Variants in GDAP1 observed in about 807,000 individuals in gnomAD.
GDAP1 encodes the protein ganglioside induced differentiation associated protein 1.
A neutral mutation model predicts 40.1 loss-of-function variants in GDAP1; 34 were observed. The ratio of observed to expected loss-of-function variants is 0.85; its 90% CI spans 0.64 to 1.13. GDAP1 has a LOEUF of 1.13. Among genes scored for constraint, GDAP1 ranks in the 50% most tolerant of loss-of-function variants. The pLI is 0.00. For synonymous variants in GDAP1, 170 were observed against 157.4 expected, an observed-to-expected ratio of 1.08 and a Z score of -0.60; for missense variants, 374 against 433.7, an observed-to-expected ratio of 0.86 and a Z score of 1.22.
At chr8:74,403,418 G>A (rs1239531517) in intron 2 of GDAP1, among the ~76,000 whole-genome samples, 2 of 150,156 alleles carry the variant, frequency 1.3e-5, no homozygotes, top group Non-Finnish European at 2.9e-5. Context: ...AAAGCACAGG[G>A]CATGTTTACA....
At chr8:74,397,199 GTTTTT>G (rs144276375) in intron 2 of GDAP1, among the ~76,000 whole-genome samples, 1 of 144,440 alleles carries the variant, frequency 6.9e-6, no homozygotes, top group Non-Finnish European at 1.5e-5. Context: ...TTTTTGATGG[GTTTTT>G]TTTTTTTTTT....
chr8:74,471,733 A>C (rs1340371817), intron 2 of GDAP1, among the ~76,000 whole-genome samples: 1 of 152,098 alleles, frequency 6.6e-6, no homozygotes, highest in Admixed American at 6.5e-5. Context: ...CGGTCAGTTT[A>C]CACTTTCTAG....
intron 2 of GDAP1, among the ~76,000 whole-genome samples, chr8:74,482,261 A>G (rs923503460): frequency 2.0e-5 from 3 of 152,104 alleles, no homozygotes; most frequent in Admixed American, 2.0e-4. Context: ...GGCAGCTCCC[A>G]TGTGATAAGG....
rs530520288 is a variant in GDAP1 at position 74,391,135 on chromosome 8, T to C, written c.165+39814T>C. 8.5e-5 allele frequency among the ~76,000 whole-genome samples: 13 copies of C among 152,128 alleles called. No individual in the cohort carries two copies. The South Asian group carries it at 2.1e-3, about 24-fold the overall frequency. On this transcript the variant is annotated intron_variant, in intron 2 of 2. Transcript: ENST00000523640. ...TGGGCTCCATGGGGGTGGGATCTGC[T>C]GAGCCAGACCACTTAGCTTCCTGAC...
At chr8:74,429,709 T>C (rs1806002368) in intron 2 of GDAP1, among the ~76,000 whole-genome samples, 1 of 152,174 alleles carries the variant, frequency 6.6e-6, no homozygotes, top group Non-Finnish European at 1.5e-5. Context: ...TTAACGGCCC[T>C]ATTTACAAAT....
chr8:74,425,051 G>C (rs1014563784), intron 2 of GDAP1, among the ~76,000 whole-genome samples: 1 of 152,160 alleles, frequency 6.6e-6, no homozygotes, highest in African/African-American at 2.4e-5. Flanking sequence ...ACTCACAGCA[G>C]CTGCAGTATC....
At chr8:74,402,293 C>T (rs947595961) in intron 2 of GDAP1, among the ~76,000 whole-genome samples, 9 of 150,428 alleles carry the variant, frequency 6.0e-5, no homozygotes, top group Admixed American at 2.0e-4. Context: ...TGCCACCTTG[C>T]AGTTTGATCT....
At chr8:74,353,139 T>A (rs1180830553) in intron 2 of GDAP1, among the ~76,000 whole-genome samples, 1 of 152,222 alleles carries the variant, frequency 6.6e-6, no homozygotes, top group African/African-American at 2.4e-5. Context: ...AAGTTCTGTG[T>A]CCTGCTAAGT....
At chr8:74,437,458 T>G (rs1054441448) in intron 2 of GDAP1, among the ~76,000 whole-genome samples, 3 of 152,160 alleles carry the variant, frequency 2.0e-5, no homozygotes, top group African/African-American at 7.2e-5. Context: ...AAATTCATAT[T>G]AATTTATTAT....
At chr8:74,375,124 G>A (rs991598070) in intron 2 of GDAP1, among the ~76,000 whole-genome samples, 5 of 152,030 alleles carry the variant, frequency 3.3e-5, no homozygotes, top group Non-Finnish European at 7.4e-5. Context: ...GTTAGGAGTT[G>A]GAGACCAGCC....
At chr8:74,475,355 G>C (rs1342992368) in intron 2 of GDAP1, among the ~76,000 whole-genome samples, 1 of 151,444 alleles carries the variant, frequency 6.6e-6, no homozygotes. Context: ...TGCTTCTCTG[G>C]TTCTTTTAGT....
chr8:74,386,592 G>T (rs1276136798), intron 2 of GDAP1, among the ~76,000 whole-genome samples: 7 of 152,112 alleles, frequency 4.6e-5, no homozygotes, highest in Non-Finnish European at 1.0e-4. Flanking sequence ...CTGTAGCCTT[G>T]TAATATAGCT....
At chr8:74,377,275 A>C (rs1466071614) in intron 2 of GDAP1, among the ~76,000 whole-genome samples, 1 of 152,168 alleles carries the variant, frequency 6.6e-6, no homozygotes, top group Non-Finnish European at 1.5e-5. Flanking sequence ...AATCGATGAG[A>C]ATATTCACAA....
At chr8:74,355,119 CT>C (rs141580693) in intron 2 of GDAP1, among the ~76,000 whole-genome samples, 1,763 of 152,232 alleles carry the variant, frequency 0.012, 35 homozygotes, top group African/African-American at 0.04. Flanking sequence ...TGAGGTCACC[CT>C]TTTCAAGTCA....
chr8:74,440,788 G>T (rs1350211677), intron 2 of GDAP1, among the ~76,000 whole-genome samples: 1 of 151,818 alleles, frequency 6.6e-6, no homozygotes, highest in Non-Finnish European at 1.5e-5. Flanking sequence ...TCTGTCTCTA[G>T]GAAATTAACT....
At position 74,366,711 on chromosome 8, in the gene GDAP1, C is replaced by T. The variant is rs1427902712; in HGVS notation, c.*2344C>T. 6.6e-6 allele frequency: 3 copies of T among 452,646 alleles called. No homozygotes were observed. The highest frequency in any genetic ancestry group is 1.3e-5 in the Non-Finnish European group (3 of 226,316). The allele number at this position is 452,646 out of a possible 1,614,324, so 28.0% of individuals were successfully genotyped here. A position where few individuals can be genotyped will look rare whatever the true frequency, so the allele number is the denominator to read the frequency against. ...GCAGATGCCTTTTGAATCCATTTTC[C>T]ATAATTGCGGATAGTCATAAATTGC... is the stretch of plus-strand genomic sequence containing the variant. On this transcript the variant is annotated 3_prime_UTR_variant, in exon 6 of 6. Coordinates refer to ENST00000220822, the MANE Select transcript of GDAP1 (RefSeq NM_018972.4).
intron 4 of GDAP1, among the ~76,000 whole-genome samples, chr8:74,362,450 C>G (rs1223890087): frequency 6.6e-6 from 1 of 152,170 alleles, no homozygotes; most frequent in Non-Finnish European, 1.5e-5. Flanking sequence ...ACTCCCAACC[C>G]TCCCCAACTT....
At position 74,487,734 on chromosome 8, in the gene GDAP1, T is replaced by C. The variant is rs1275434691; in HGVS notation, c.166-944T>C. Among the ~76,000 whole-genome samples the C allele has an allele frequency of 2.6e-5, 4 of 152,116 alleles. No homozygotes were observed. In the East Asian group the frequency reaches 5.8e-4, roughly 22 times the overall value. On this transcript the variant is annotated intron_variant, in intron 2 of 2. Transcript: ENST00000523640. ...ACAGTAGGTCATTTAGGCCAAGAGATCTATTTTATATTTGCCTCTTTAACT... is the reference window on the plus strand; with the variant it reads ...ACAGTAGGTCATTTAGGCCAAGAGACCTATTTTATATTTGCCTCTTTAACT...
chr8:74,440,406 T>A (rs919008000), intron 2 of GDAP1, among the ~76,000 whole-genome samples: 4 of 152,166 alleles, frequency 2.6e-5, no homozygotes, highest in African/African-American at 9.6e-5. Flanking sequence ...GTACATACTT[T>A]CACCTGCTCA....
Sources: allele counts gnomAD v4.1 joint callset (sites outside exome capture counted in the v4.1 genomes callset), GRCh38; gene constraint gnomAD v4.1.1; transcripts MANE v1.5; gene names NCBI Gene and HGNC (gene_info 2026-07-23, HGNC 2026-07-21).